Variants in NEGR1 observed in about 807,000 individuals in gnomAD.
NEGR1 encodes neuronal growth regulator 1.
NEGR1 carries 10 observed loss-of-function variants against 40.9 expected under a neutral mutation model. That is an observed-to-expected ratio of 0.24 (90% CI 0.15 to 0.42). NEGR1 has a LOEUF of 0.42. Ranked by LOEUF, NEGR1 falls within the 10% of genes least tolerant of loss-of-function variation. The probability of loss-of-function intolerance (pLI) is 1.00; values close to 1 mark genes in which losing one functional copy is unlikely to be tolerated. For missense variants in NEGR1, 352 were observed against 438.9 expected (o/e 0.80, Z 1.77); for synonymous variants, 185 against 166.8 (o/e 1.11, Z -0.84).
At chr1:71,981,409 CAT>C (rs1026488900) in intron 1 of NEGR1, among the ~76,000 whole-genome samples, 1 of 152,248 alleles carries the variant, frequency 6.6e-6, no homozygotes, top group African/African-American at 2.4e-5. Context: ...CTGCTTTACT[CAT>C]GTGCTGGGTG....
chr1:71,775,918 G>A (rs565845625), intron 3 of NEGR1, among the ~76,000 whole-genome samples: 1 of 151,688 alleles, frequency 6.6e-6, no homozygotes, highest in South Asian at 2.1e-4. Flanking sequence ...GCTTGAACCT[G>A]GGAGGCGGAG....
chr1:71,869,467 C>T (rs1380519746), intron 2 of NEGR1, among the ~76,000 whole-genome samples: 1 of 152,018 alleles, frequency 6.6e-6, no homozygotes, highest in Non-Finnish European at 1.5e-5. Context: ...GATTACCTTA[C>T]CAAAATTCTG....
At chr1:72,127,463 C>CAAAA (rs56301492) in intron 1 of NEGR1, among the ~76,000 whole-genome samples, 8,716 of 39,250 alleles carry the variant, frequency 0.22, 2,047 homozygotes, top group South Asian at 0.29. Context: ...GGCTCTGTCT[C>CAAAA]AAAAAAAAAA....
At chr1:72,274,491 A>C in intron 1 of NEGR1, 1 of 623,966 alleles carries the variant, frequency 1.6e-6, no homozygotes, top group Non-Finnish European at 2.9e-6. Context: ...ACACTGATTA[A>C]AAGATAAACT....
At chr1:72,212,786 T>A (rs1276133374) in intron 1 of NEGR1, among the ~76,000 whole-genome samples, 1 of 151,736 alleles carries the variant, frequency 6.6e-6, no homozygotes, top group East Asian at 1.9e-4. Context: ...ATGAGCTAGA[T>A]AAAAAGAAAT....
chr1:71,654,877 C>A (rs1271040065), intron 4 of NEGR1, among the ~76,000 whole-genome samples: 2 of 151,978 alleles, frequency 1.3e-5, no homozygotes, highest in African/African-American at 2.4e-5. Context: ...TAAATATTTT[C>A]CCACTGAGAA....
At position 71,572,187 on chromosome 1, in the gene NEGR1, C is replaced by G. The variant is rs539999909; in HGVS notation, c.940+20630G>C. ...AGCCATCTAAGCATTGGTGACCCCT[C>G]TGATCTCTGTTCCTTTTTCTTAATC... On this transcript the variant is annotated intron_variant, in intron 6 of 6. Transcript: ENST00000357731. 7.2e-4 allele frequency among the ~76,000 whole-genome samples: 109 copies of G among 152,310 alleles called. 1 individual carries two copies. Among genetic ancestry groups the G allele is most frequent in the South Asian group, 3.5e-3 (17 of 4,824 alleles).
chr1:72,133,523 G>A (rs1279349297), intron 1 of NEGR1, among the ~76,000 whole-genome samples: 2 of 151,916 alleles, frequency 1.3e-5, no homozygotes, highest in Non-Finnish European at 2.9e-5. Context: ...TATCAAAATT[G>A]CTCAAATGTA....
chr1:71,909,063 T>C (rs991446221), intron 2 of NEGR1, among the ~76,000 whole-genome samples: 4 of 152,256 alleles, frequency 2.6e-5, no homozygotes, highest in East Asian at 3.9e-4. Context: ...GTATAAGGAC[T>C]CTAGCTGCTG....
chr1:71,806,708 T>C (rs1210606796), intron 2 of NEGR1, among the ~76,000 whole-genome samples: 1 of 152,112 alleles, frequency 6.6e-6, no homozygotes, highest in Non-Finnish European at 1.5e-5. Flanking sequence ...AATAATCTTA[T>C]TCTAATAAAA....
At chr1:71,519,719 T>TA (rs931955048) in intron 6 of NEGR1, among the ~76,000 whole-genome samples, 2 of 102,210 alleles carry the variant, frequency 2.0e-5, no homozygotes, top group Admixed American at 1.8e-4. Flanking sequence ...CCCTAACACT[T>TA]AGAGTATAAT....
rs56301492 is a variant in NEGR1, at chr1:72,127,463, C to CAAAAAAAAAA, written c.176+154846_176+154855dup. ...TGGGCGACAGAGCAAGGCTCTGTCTCAAAAAAAAAAAAAAAAAAAAAAAAA... is the reference window on the plus strand; with the variant it reads ...TGGGCGACAGAGCAAGGCTCTGTCTCAAAAAAAAAAAAAAAAAAAAAAAAAAAAAAAAAAA... On this transcript the variant is annotated intron_variant, in intron 1 of 6. Transcript: ENST00000357731. 3.3e-4 allele frequency among the ~76,000 whole-genome samples: 13 copies of CAAAAAAAAAA among 39,300 alleles called. 1 individual carries two copies. The highest frequency in any genetic ancestry group is 1.1e-3 in the African/African-American group (13 of 11,650). The allele number at this position is 39,300 out of a possible 152,430, so 25.8% of individuals were successfully genotyped here. A position where few individuals can be genotyped will look rare whatever the true frequency, so the allele number is the denominator to read the frequency against.
At chr1:71,923,775 C>T (rs1225100002) in intron 2 of NEGR1, among the ~76,000 whole-genome samples, 1 of 152,184 alleles carries the variant, frequency 6.6e-6, no homozygotes, top group Non-Finnish European at 1.5e-5. Flanking sequence ...TTGAGTCCTT[C>T]TTCAGCACAT....
intron 2 of NEGR1, among the ~76,000 whole-genome samples, chr1:71,779,436 G>C (rs1488197092): frequency 6.6e-6 from 1 of 152,088 alleles, no homozygotes; most frequent in African/African-American, 2.4e-5. Context: ...AGTAAAACAA[G>C]TTCAATAGGT....
At chr1:71,918,216 CAAAAAAAAAAAAAAAAAAAAAAAA>C (rs1159908343) in intron 2 of NEGR1, among the ~76,000 whole-genome samples, 5 of 24,752 alleles carry the variant, frequency 2.0e-4, no homozygotes, top group African/African-American at 3.4e-4. Flanking sequence ...GACTCTGTCT[CAAAAAAAAAAAAAAAAAAAAAAAA>C]AAAAAAAAAA....
chr1:71,742,166 A>C (rs943203373), intron 3 of NEGR1, among the ~76,000 whole-genome samples: 1 of 152,186 alleles, frequency 6.6e-6, no homozygotes, highest in Non-Finnish European at 1.5e-5. Context: ...AGGATTCAGC[A>C]AGAAGGCATG....
At chr1:72,274,484 C>G in intron 1 of NEGR1, 1 of 613,672 alleles carries the variant, frequency 1.6e-6, no homozygotes, top group Non-Finnish European at 3.0e-6. Context: ...CATAGCTACA[C>G]TGATTAAAAG....
At chr1:71,686,796 T>C (rs1653055240) in intron 4 of NEGR1, among the ~76,000 whole-genome samples, 1 of 152,178 alleles carries the variant, frequency 6.6e-6, no homozygotes, top group Non-Finnish European at 1.5e-5. Flanking sequence ...TCATCAGCTG[T>C]TCTCAGTACA....
At chr1:72,130,161 T>C (rs1650188939) in intron 1 of NEGR1, among the ~76,000 whole-genome samples, 2 of 152,188 alleles carry the variant, frequency 1.3e-5, no homozygotes, top group African/African-American at 2.4e-5. Flanking sequence ...GCTTTTTTCT[T>C]TGTCCTGCCT....
Sources: gnomAD v4.1 joint callset for allele counts (sites outside exome capture counted in the v4.1 genomes callset) on GRCh38, gnomAD v4.1.1 for gene constraint, MANE v1.5 for transcripts, NCBI Gene and HGNC (gene_info 2026-07-23, HGNC 2026-07-21) for gene names.